The following LAMC3 variants were observed in gnomAD, a reference collection of about 807,000 sequenced individuals.
The protein encoded by LAMC3 is laminin subunit gamma 3, also known as laminin subunit gamma-3.
Under a neutral mutation model 173.8 loss-of-function variants are expected in LAMC3, and 128 were observed. The observed-to-expected ratio is 0.74, with a 90% CI of 0.64 to 0.85. The LOEUF is 0.85. LAMC3 is among the 40% of genes least tolerant of loss of function. The pLI, the probability that LAMC3 is intolerant of heterozygous loss-of-function variation, is 0.00. For synonymous variants in LAMC3, 897 were observed against 909.1 expected (o/e 0.99, Z 0.24); for missense variants, 2,022 against 2,156.0 (o/e 0.94, Z 1.23).
intron 1 of LAMC3, among the ~76,000 whole-genome samples, chr9:131,024,725 A>T (rs1403306816): frequency 1.3e-5 from 2 of 152,172 alleles, no homozygotes; most frequent in Non-Finnish European, 2.9e-5. Flanking sequence ...ACCAACACTC[A>T]GTGAATGCCT....
At chr9:131,032,776 C>G (rs994002800) in intron 3 of LAMC3, among the ~76,000 whole-genome samples, 1 of 152,200 alleles carries the variant, frequency 6.6e-6, no homozygotes, top group Non-Finnish European at 1.5e-5. Flanking sequence ...TCAAGGTATT[C>G]ACCTGTCTCA....
Position 131,087,750 on chromosome 9 carries a change from G to C in LAMC3, c.4410G>C (p.Gln1470His), listed in dbSNP as rs1322420147. 5.0e-6 allele frequency: 8 copies of C among 1,614,068 alleles called. No homozygotes were observed. Among genetic ancestry groups the C allele is most frequent in the Non-Finnish European group, 1.7e-6 (2 of 1,180,054 alleles). Residue 1470 changes from glutamine (Q) to histidine (H), a missense_variant, in exon 27 of 28, where the codon CAG (glutamine) becomes CAC (histidine). Gln to His is a conservative substitution (Grantham distance 24). Transcript: ENST00000361069. ...CTGGGCTGAGCGAGATGGAGCAGCA[G>C]ATCCGGGAATCGCGTATCTCACTGG... is the stretch of plus-strand genomic sequence containing the variant. ...VGAGLSEMEQ[Q>H]IRESRISLEK... is the part of the protein sequence containing the mutation.
Position 131,052,524 on chromosome 9 carries a change from G to T in LAMC3, c.1664G>T (p.Gly555Val), listed in dbSNP as rs762811443. ...KFLGDQRFSY[G>V]QPLILTFRVP... is the part of the protein sequence containing the mutation. Reference sequence around the variant, plus strand: ...CTGGGAGACCAGCGGTTCAGCTATGGGCAGCCCCTCATACTGACCTTCCGG... The same window carrying T: ...CTGGGAGACCAGCGGTTCAGCTATGTGCAGCCCCTCATACTGACCTTCCGG... Residue 555 changes from glycine to valine, a missense_variant, in exon 10 of 28, where the codon GGG becomes GTG. By Grantham distance (109) the Gly-to-Val change is moderately radical. Coordinates refer to ENST00000361069, the MANE Select transcript of LAMC3 (RefSeq NM_006059.4). 4 of 1,614,026 alleles carry T rather than the reference G, an allele frequency of 2.5e-6. No individual in the cohort carries two copies. In the East Asian group the frequency reaches 8.9e-5, roughly 36 times the overall value.
At chr9:131,045,236 A>AAACAG (rs10690970) in intron 7 of LAMC3, among the ~76,000 whole-genome samples, 1 of 108,324 alleles carries the variant, frequency 9.2e-6, no homozygotes, top group African/African-American at 3.7e-5. Context: ...AAAAAAAAAA[A>AAACAG]CAACAACAAC....
chr9:131,053,748 G>T (rs376679213), intron 11 of LAMC3, among the ~76,000 whole-genome samples: 2 of 152,084 alleles, frequency 1.3e-5, no homozygotes, highest in African/African-American at 4.8e-5. Flanking sequence ...CAGGAGAATC[G>T]CTTGAACCCA....
rs755560360 is a variant in LAMC3, at chr9:131,091,737, C to G, written c.4678C>G (p.Leu1560Val). ...LAEIRADKQN[L>V]EAILHSLPEN... is the part of the protein sequence containing the mutation. ...CGAGATCCGCGCCGACAAACAGAACCTGGAGGCCATTCTGCACAGCCTGCC... is the reference window on the plus strand; with the variant it reads ...CGAGATCCGCGCCGACAAACAGAACGTGGAGGCCATTCTGCACAGCCTGCC... Residue 1560 changes from leucine to valine, a missense_variant, in exon 28 of 28, where the codon CTG becomes GTG. Transcript: ENST00000361069. 11 of 1,613,310 alleles carry G rather than the reference C, an allele frequency of 6.8e-6. No homozygotes were observed. The East Asian group carries it at 2.2e-4, about 33-fold the overall frequency.
At chr9:131,038,159 C>T (rs534876780) in intron 4 of LAMC3, among the ~76,000 whole-genome samples, 3 of 152,326 alleles carry the variant, frequency 2.0e-5, no homozygotes, top group African/African-American at 4.8e-5. Context: ...AGATTCAGCG[C>T]GGCCATGACT....
chr9:131,058,378 G>A (rs149371977), intron 12 of LAMC3, among the ~76,000 whole-genome samples: 2,387 of 152,066 alleles, frequency 0.016, 69 homozygotes, highest in African/African-American at 0.054. Flanking sequence ...CTCCCGAAGT[G>A]CTGGGATTAC....
intron 1 of LAMC3, among the ~76,000 whole-genome samples, chr9:131,017,479 C>A (rs771704365): frequency 6.6e-6 from 1 of 151,782 alleles, no homozygotes; most frequent in Non-Finnish European, 1.5e-5. Context: ...AATCCCAGCA[C>A]TTTGGGAGGC....
In LAMC3 at chr9:131,087,556, C is replaced by T. The variant is rs1229886485; in HGVS notation, c.4311C>T (p.Leu1437=). 1.4e-5 allele frequency: 23 copies of T among 1,613,828 alleles called. No individual in the cohort carries two copies. The highest frequency in any genetic ancestry group is 1.7e-5 in the Non-Finnish European group (20 of 1,180,020). The change falls in exon 26 of 28, where the codon CTC becomes CTT. Residue 1437 remains leucine (L), a synonymous_variant. Coordinates refer to ENST00000361069, the MANE Select transcript of LAMC3 (RefSeq NM_006059.4). ...TCACCAGCCAGACGCAAGCCACGCT[C>T]CAACAGGCGTCCCAGCAGGTGCTGG... ...SRLTSQTQAT[L]QQASQQVLAS...
Position 131,093,230 on chromosome 9 carries a change from G to A in LAMC3, c.*1443G>A, listed in dbSNP as rs1484228744. 6.6e-6 allele frequency: 1 copy of A among 152,206 alleles called. No homozygotes were observed. The highest frequency in any genetic ancestry group is 1.5e-5 in the Non-Finnish European group (1 of 68,072). 9.4% of individuals were successfully genotyped at this position (152,206 alleles called of 1,614,324 possible). A position where few individuals can be genotyped will look rare whatever the true frequency, so the allele number is the denominator to read the frequency against. On this transcript the variant is annotated 3_prime_UTR_variant, in exon 28 of 28. Coordinates refer to ENST00000361069, the MANE Select transcript of LAMC3 (RefSeq NM_006059.4). ...TACCTCCCATTAGAGGGCTTTGCTGGGGTTGTGTGATCACAGGTACCTACC... is the reference window on the plus strand; with the variant it reads ...TACCTCCCATTAGAGGGCTTTGCTGAGGTTGTGTGATCACAGGTACCTACC...
At chr9:131,035,819 G>C (rs1204645932) in intron 3 of LAMC3, among the ~76,000 whole-genome samples, 1 of 152,168 alleles carries the variant, frequency 6.6e-6, no homozygotes, top group South Asian at 2.1e-4. Context: ...TTCTTCCTGG[G>C]TCCCTCTCAG....
At position 131,067,010 on chromosome 9, in the gene LAMC3, C is replaced by A; in HGVS notation, c.2398C>A (p.Leu800Ile). 2 of 1,613,980 alleles carry A rather than the reference C, an allele frequency of 1.2e-6. No individual in the cohort carries two copies. Among genetic ancestry groups the A allele is most frequent in the South Asian group, 1.1e-5 (1 of 91,090 alleles). ...TGGCTTTTTTGGGGACCCGCTGGGG[C>A]TCTTTGGGCACCCCCAGCCCTGCCA... The part of the protein sequence containing the change: ...DDGFFGDPLG[L>I]FGHPQPCHQC... The change falls in exon 14 of 28, where the codon CTC (leucine) becomes ATC (isoleucine). Residue 800 changes from leucine to isoleucine, a missense_variant. Coordinates refer to ENST00000361069, the MANE Select transcript of LAMC3 (RefSeq NM_006059.4).
At chr9:131,012,509 C>T (rs952211799) in intron 1 of LAMC3, among the ~76,000 whole-genome samples, 4 of 152,242 alleles carry the variant, frequency 2.6e-5, no homozygotes, top group Non-Finnish European at 5.9e-5. Context: ...GTCCCGGCCG[C>T]CCTGCCTCCT....
In LAMC3 at chr9:131,036,205, C is replaced by A; in HGVS notation, c.849C>A (p.Asp283Glu). ...GGCATGCCAGCGAGTGCGGCCCCGA[C>A]GTGGCAGGCCAGTTGGCCTGCCGGT... ...CNGHASECGP[D>E]VAGQLACRCQ... The change falls in exon 4 of 28, where the codon GAC becomes GAA. Residue 283 changes from aspartate (D) to glutamate (E), a missense_variant. Physicochemically the swap from Asp to Glu is conservative, Grantham distance 45. Transcript: ENST00000361069. 2 of 1,612,892 alleles carry A rather than the reference C, an allele frequency of 1.2e-6. No individual in the cohort carries two copies. The highest frequency in any genetic ancestry group is 1.7e-5 in the Admixed American group (1 of 60,008).
In LAMC3 at chr9:131,009,628, C is replaced by G. The variant is rs770337863; in HGVS notation, c.373+41C>G. ...GGGCACCGCCACCGCACCCCGTGTC[C>G]CCACTCCACTGGGGGTCTGAGGCTG... is the stretch of plus-strand genomic sequence containing the variant. On this transcript the variant is annotated intron_variant, in intron 1 of 27. Coordinates refer to ENST00000361069, the MANE Select transcript of LAMC3 (RefSeq NM_006059.4). The surrounding 1 kb of genome is among the most constrained non-coding windows in gnomAD (Gnocchi z 4.3). 2.6e-6 allele frequency: 4 copies of G among 1,549,398 alleles called. No individual in the cohort carries two copies. In the South Asian group the frequency reaches 4.8e-5, roughly 18 times the overall value.
At chr9:131,034,488 G>C (rs774551020) in intron 3 of LAMC3, among the ~76,000 whole-genome samples, 4 of 152,282 alleles carry the variant, frequency 2.6e-5, no homozygotes, top group Non-Finnish European at 5.9e-5. Context: ...AGGGCAGAGC[G>C]TGGAACGTGG....
At chr9:131,077,858 C>T (rs1344125630) in intron 22 of LAMC3, among the ~76,000 whole-genome samples, 1 of 152,052 alleles carries the variant, frequency 6.6e-6, no homozygotes, top group African/African-American at 2.4e-5. Flanking sequence ...CAACCATTCT[C>T]TGTTGATAAT....
rs759869405 is a variant in LAMC3 at position 131,087,792 on chromosome 9, C to T, written c.4452C>T (p.Thr1484=). The T allele has an allele frequency of 1.2e-6, 2 of 1,613,958 alleles. No individual in the cohort carries two copies. Among genetic ancestry groups the T allele is most frequent in the African/African-American group, 2.7e-5 (2 of 74,942 alleles). The change falls in exon 27 of 28, where the codon ACC becomes ACT. Residue 1484 remains threonine (T), a synonymous_variant. Transcript: ENST00000361069. ...TCTCACTGGAGAAGGACATCGAGACCTTGTCAGAGCTGCTTGCCAGGCTGG... is the reference window on the plus strand; with the variant it reads ...TCTCACTGGAGAAGGACATCGAGACTTTGTCAGAGCTGCTTGCCAGGCTGG... ...SRISLEKDIE[T]LSELLARLGS...
Sources: allele counts gnomAD v4.1 joint callset (sites outside exome capture counted in the v4.1 genomes callset), GRCh38; gene constraint gnomAD v4.1.1; non-coding constraint Gnocchi (gnomAD v3.1); transcripts MANE v1.5; gene names NCBI Gene and HGNC (gene_info 2026-07-23, HGNC 2026-07-21).